Variants in HPSE2 observed in about 807,000 individuals in gnomAD.
HPSE2 encodes heparanase 2 (inactive).
A neutral mutation model predicts 60.5 loss-of-function variants in HPSE2; 38 were observed. The observed-to-expected ratio is 0.63, with a 90% CI of 0.48 to 0.82. The LOEUF (loss-of-function observed/expected upper bound fraction) is 0.82. Among genes scored for constraint, HPSE2 ranks in the 40% least tolerant of loss-of-function variants. The pLI is 0.00. For synonymous variants in HPSE2, 295 were observed against 293.2 expected (o/e 1.01, Z -0.06); for missense variants, 713 against 740.4 (o/e 0.96, Z 0.43).
chr10:99,078,741 T>TAA (rs1843031112), intron 3 of HPSE2, among the ~76,000 whole-genome samples: 1 of 152,192 alleles, frequency 6.6e-6, no homozygotes, highest in Non-Finnish European at 1.5e-5. Flanking sequence ...ATATCCTTGT[T>TAA]TTTTTATTTT....
chr10:99,305,986 C>CACACACACACACAT, the HPSE2 span, among the ~76,000 whole-genome samples: 1 of 147,052 alleles, frequency 6.8e-6, no homozygotes, highest in Non-Finnish European at 1.5e-5. Context: ...CGCGCACACA[C>CACACACACACACAT]ACACACACAC....
chr10:99,059,696 A>G (rs1230733235), intron 3 of HPSE2, among the ~76,000 whole-genome samples: 2 of 148,126 alleles, frequency 1.4e-5, no homozygotes, highest in Non-Finnish European at 2.9e-5. Flanking sequence ...AAAAACAGTT[A>G]GGCACAAAAA....
intron 3 of HPSE2, among the ~76,000 whole-genome samples, chr10:99,002,438 TA>T (rs1956798292): frequency 6.6e-6 from 1 of 152,092 alleles, no homozygotes; most frequent in African/African-American, 2.4e-5. Flanking sequence ...AGCCAGGTGA[TA>T]AAGGCCAACA....
chr10:98,586,417 T>C (rs1347449181), intron 9 of HPSE2, among the ~76,000 whole-genome samples: 1 of 152,222 alleles, frequency 6.6e-6, no homozygotes, highest in African/African-American at 2.4e-5. Flanking sequence ...TAGGCCACTA[T>C]TACACCTTCT....
intron 3 of HPSE2, among the ~76,000 whole-genome samples, chr10:98,897,615 C>CA (rs1270840639): frequency 1.3e-5 from 2 of 151,408 alleles, no homozygotes; most frequent in East Asian, 3.9e-4. Flanking sequence ...GGATATCTTT[C>CA]AAAAAAATGG....
At chr10:99,172,630 G>A (rs182636110) in intron 2 of HPSE2, among the ~76,000 whole-genome samples, 3 of 152,140 alleles carry the variant, frequency 2.0e-5, no homozygotes, top group East Asian at 1.9e-4. Context: ...ATTAAGAAAG[G>A]GCTTTGGGAG....
intron 3 of HPSE2, among the ~76,000 whole-genome samples, chr10:98,964,729 G>A (rs1322289734): frequency 1.3e-5 from 2 of 152,078 alleles, no homozygotes; most frequent in Non-Finnish European, 2.9e-5. Context: ...AAATAAATCT[G>A]TCAAGACCTG....
intron 3 of HPSE2, among the ~76,000 whole-genome samples, chr10:98,824,284 T>C (rs1229014092): frequency 6.6e-6 from 1 of 152,188 alleles, no homozygotes; most frequent in East Asian, 1.9e-4. Context: ...GGAAGGACCA[T>C]CTTAGTGCTG....
At chr10:99,195,034 G>A (rs764679012) in intron 2 of HPSE2, among the ~76,000 whole-genome samples, 21 of 151,902 alleles carry the variant, frequency 1.4e-4, no homozygotes, top group Non-Finnish European at 2.5e-4. Flanking sequence ...TCACTCACTC[G>A]GACCAAGTGG....
chr10:98,921,354 G>T (rs1954277809), intron 3 of HPSE2, among the ~76,000 whole-genome samples: 1 of 152,080 alleles, frequency 6.6e-6, no homozygotes, highest in Non-Finnish European at 1.5e-5. Flanking sequence ...AAAATGATCT[G>T]GCATTTTTCT....
intron 5 of HPSE2, among the ~76,000 whole-genome samples, chr10:98,700,556 G>T (rs1948378095): frequency 7.4e-6 from 1 of 135,364 alleles, no homozygotes; most frequent in Non-Finnish European, 1.6e-5. Context: ...AGAAAACCTA[G>T]GCATTACTAT....
In HPSE2 at chr10:99,183,846, A is replaced by G. The variant is rs182044162; in HGVS notation, c.449-39447T>C. 4.9e-4 allele frequency among the ~76,000 whole-genome samples: 74 copies of G among 152,312 alleles called. No individual in the cohort carries two copies. The East Asian group carries it at 0.014, about 28-fold the overall frequency. ...CACTTTGGACAGCCAGACTGAAAAGACTTCATAACACGTAAGGCACTGAGT... is the reference window on the plus strand; with the variant it reads ...CACTTTGGACAGCCAGACTGAAAAGGCTTCATAACACGTAAGGCACTGAGT... On this transcript the variant is annotated intron_variant, in intron 2 of 11. Coordinates refer to ENST00000370552, the MANE Select transcript of HPSE2 (RefSeq NM_021828.5).
intron 3 of HPSE2, among the ~76,000 whole-genome samples, chr10:99,093,145 T>C (rs1843577034): frequency 6.6e-6 from 1 of 152,034 alleles, no homozygotes; most frequent in Non-Finnish European, 1.5e-5. Flanking sequence ...GGGGAATCAC[T>C]TGAACCCAGG....
chr10:99,294,184 G>T, the HPSE2 span, among the ~76,000 whole-genome samples: 1 of 151,788 alleles, frequency 6.6e-6, no homozygotes, highest in East Asian at 1.9e-4. Context: ...ACTCAAAATA[G>T]GATGGTGGTA....
At chr10:98,640,686 G>A (rs919696179) in intron 7 of HPSE2, among the ~76,000 whole-genome samples, 1 of 152,044 alleles carries the variant, frequency 6.6e-6, no homozygotes, top group Admixed American at 6.5e-5. Flanking sequence ...TAATCCGCTC[G>A]AGAAATAGCC....
At chr10:98,948,294 T>C (rs983315538) in intron 3 of HPSE2, among the ~76,000 whole-genome samples, 2 of 152,082 alleles carry the variant, frequency 1.3e-5, no homozygotes, top group South Asian at 2.1e-4. Flanking sequence ...ATTATAGATA[T>C]GGCAAAAAAG....
chr10:98,856,344 A>G (rs957127860), intron 3 of HPSE2, among the ~76,000 whole-genome samples: 3 of 152,224 alleles, frequency 2.0e-5, no homozygotes, highest in African/African-American at 7.2e-5. Flanking sequence ...AGAGGCAAAA[A>G]GTAGGTGACT....
chr10:98,535,828 G>A lies in HPSE2; in HGVS notation c.1321-45632C>T, dbSNP rs117366049. Among the ~76,000 whole-genome samples the A allele has an allele frequency of 8.1e-4, 124 of 152,230 alleles. 3 individuals carry two copies. The East Asian group carries it at 0.023, about 28-fold the overall frequency. On this transcript the variant is annotated intron_variant, in intron 9 of 11. Transcript: ENST00000370552. Reference sequence around the variant, plus strand: ...CCTTTCCAGATGAGAACCAGGCACTGGGCTCCGTGCCTGCCAAACTTCAGC... The same window carrying A: ...CCTTTCCAGATGAGAACCAGGCACTAGGCTCCGTGCCTGCCAAACTTCAGC...
chr10:99,274,851 A>G, the HPSE2 span, among the ~76,000 whole-genome samples: 1 of 152,230 alleles, frequency 6.6e-6, no homozygotes, highest in South Asian at 2.1e-4. Flanking sequence ...GTCAAACCAT[A>G]CAACATTCAT....
Sources: gnomAD v4.1 joint callset for allele counts (sites outside exome capture counted in the v4.1 genomes callset) on GRCh38, gnomAD v4.1.1 for gene constraint, MANE v1.5 for transcripts, NCBI Gene and HGNC (gene_info 2026-07-23, HGNC 2026-07-21) for gene names.